SPATS2L: variants seen among roughly 807,000 people sequenced by gnomAD.
SPATS2L encodes the protein SPATS2-like protein.
SPATS2L carries 30 observed loss-of-function variants against 59.6 expected under a neutral mutation model. The ratio of observed to expected loss-of-function variants is 0.50; its 90% CI spans 0.38 to 0.68. The LOEUF (loss-of-function observed/expected upper bound fraction) is 0.68, where lower values mean the gene tolerates loss of function less well. Among genes scored for constraint, SPATS2L ranks in the 30% least tolerant of loss-of-function variants. The probability of loss-of-function intolerance (pLI) is 0.00; values close to 1 mark genes in which losing one functional copy is unlikely to be tolerated. For synonymous variants in SPATS2L, 252 were observed against 263.5 expected (o/e 0.96, Z 0.42); for missense variants, 615 against 700.0 (o/e 0.88, Z 1.37).
chr2:200,363,689 T>C (rs1433621476), intron 2 of SPATS2L, among the ~76,000 whole-genome samples: 1 of 152,246 alleles, frequency 6.6e-6, no homozygotes, highest in East Asian at 1.9e-4. Context: ...GGTCATTTGT[T>C]TGATATACAA....
At chr2:200,378,482 C>A in intron 2 of SPATS2L, 1 of 718,964 alleles carries the variant, frequency 1.4e-6, no homozygotes, top group Non-Finnish European at 1.7e-6. Context: ...GCCCTGCCTT[C>A]ACTCCCCAGT....
At chr2:200,467,180 TG>T in intron 9 of SPATS2L, 109 bp from the exon 10 acceptor site, 1 of 756,644 alleles carries the variant, frequency 1.3e-6, no homozygotes, top group Non-Finnish European at 2.2e-6. Context: ...AACACAGTCG[TG>T]GTCCAACAAA....
chr2:200,345,257 G>C (rs2080472574), intron 2 of SPATS2L, among the ~76,000 whole-genome samples: 1 of 152,194 alleles, frequency 6.6e-6, no homozygotes, highest in Admixed American at 6.5e-5. Flanking sequence ...TATGGTGTAA[G>C]AAAGTGGTCC....
In SPATS2L at chr2:200,342,968, A is replaced by T. The variant is rs568273938; in HGVS notation, c.-23+13488A>T. Among the ~76,000 whole-genome samples, 4 of 152,352 alleles carry T rather than the reference A, an allele frequency of 2.6e-5. No homozygotes were observed. In the East Asian group the frequency reaches 5.8e-4, roughly 22 times the overall value. On this transcript the variant is annotated intron_variant, in intron 2 of 12. Transcript: ENST00000409140. ...GGAATATAAATGAATAAATAAAAAAATTTCAAATAAAATGTGTGGTCTGAC... is the reference window on the plus strand; with the variant it reads ...GGAATATAAATGAATAAATAAAAAATTTTCAAATAAAATGTGTGGTCTGAC...
intron 8 of SPATS2L, among the ~76,000 whole-genome samples, chr2:200,447,901 ATT>A (rs2085155691): frequency 1.3e-5 from 2 of 152,218 alleles, no homozygotes; most frequent in South Asian, 4.1e-4. Flanking sequence ...AATTTTGTTA[ATT>A]CCTTAGATTA....
At chr2:200,319,393 C>T (rs183592355) in intron 1 of SPATS2L, among the ~76,000 whole-genome samples, 440 of 152,066 alleles carry the variant, frequency 2.9e-3, no homozygotes, top group African/African-American at 0.01. Flanking sequence ...GGCAAAACCC[C>T]GTATCTACTA....
At chr2:200,318,962 A>G (rs2079469526) in intron 1 of SPATS2L, among the ~76,000 whole-genome samples, 1 of 152,162 alleles carries the variant, frequency 6.6e-6, no homozygotes, top group Admixed American at 6.5e-5. Flanking sequence ...ACTTCATGTT[A>G]TTTGTGATTG....
chr2:200,371,697 A>G (rs2081431638), intron 2 of SPATS2L, among the ~76,000 whole-genome samples: 1 of 152,200 alleles, frequency 6.6e-6, no homozygotes, highest in Non-Finnish European at 1.5e-5. Flanking sequence ...GGAATGGATA[A>G]ATTCCCTTAT....
At chr2:200,376,304 G>A (rs2081597537) in intron 2 of SPATS2L, among the ~76,000 whole-genome samples, 1 of 152,128 alleles carries the variant, frequency 6.6e-6, no homozygotes, top group South Asian at 2.1e-4. Context: ...GCTGGAAATG[G>A]AAAGTTCACT....
rs1203272496 is a variant in SPATS2L, at chr2:200,479,811, C to G, written c.*1780C>G. On this transcript the variant is annotated 3_prime_UTR_variant, in exon 13 of 13. Coordinates refer to ENST00000409140, the MANE Select transcript of SPATS2L (RefSeq NM_001100423.2). ...CTGCAAGCCACGCAAGCATCTGTTTCTTCTTTTGCCAAGTACAGGAGGATG... is the reference window on the plus strand; with the variant it reads ...CTGCAAGCCACGCAAGCATCTGTTTGTTCTTTTGCCAAGTACAGGAGGATG... The G allele has an allele frequency of 1.5e-5, 6 of 398,428 alleles. No homozygotes were observed. In the Admixed American group the frequency reaches 2.6e-4, roughly 18 times the overall value. 24.7% of individuals were successfully genotyped at this position (398,428 alleles called of 1,614,324 possible). A position where few individuals can be genotyped will look rare whatever the true frequency, so the allele number is the denominator to read the frequency against.
intron 1 of SPATS2L, among the ~76,000 whole-genome samples, chr2:200,320,698 T>G (rs2079533657): frequency 6.6e-6 from 1 of 152,220 alleles, no homozygotes; most frequent in African/African-American, 2.4e-5. Context: ...AATTCTGTAT[T>G]ATTTGAAAAG....
intron 1 of SPATS2L, among the ~76,000 whole-genome samples, chr2:200,328,416 C>T (rs1266475774): frequency 6.6e-6 from 1 of 152,038 alleles, no homozygotes; most frequent in African/African-American, 2.4e-5. Context: ...AAAAGTTAGT[C>T]CAAAAGAAAG....
In SPATS2L at chr2:200,439,179, A is replaced by G. The variant is rs2084514709; in HGVS notation, c.503A>G (p.His168Arg). 1 of 1,613,776 alleles carries G rather than the reference A, an allele frequency of 6.2e-7. No homozygotes were observed. The highest frequency in any genetic ancestry group is 1.7e-5 in the Admixed American group (1 of 59,978). The change falls in exon 7 of 13, where the codon CAT (histidine) becomes CGT (arginine). Residue 168 changes from histidine (H) to arginine (R), a missense_variant. Coordinates refer to ENST00000409140, the MANE Select transcript of SPATS2L (RefSeq NM_001100423.2). ...TTAGATGGGAACCCCAAACCTATAC[A>G]TGGAACAACAGAGAGGTCAGATGGC... ...LSLDGNPKPI[H>R]GTTERSDGLQ...
intron 2 of SPATS2L, among the ~76,000 whole-genome samples, chr2:200,370,980 G>A (rs1403002381): frequency 6.6e-6 from 1 of 152,148 alleles, no homozygotes. Flanking sequence ...TGCACTTAAG[G>A]TTCAAAAAGA....
intron 6 of SPATS2L, among the ~76,000 whole-genome samples, chr2:200,432,355 A>G (rs1234293398): frequency 6.6e-6 from 1 of 152,214 alleles, no homozygotes; most frequent in Admixed American, 6.5e-5. Flanking sequence ...AGGAGTATAA[A>G]GCAGAGGAAT....
At chr2:200,467,800 A>C (rs1187387137) in intron 10 of SPATS2L, among the ~76,000 whole-genome samples, 1 of 152,226 alleles carries the variant, frequency 6.6e-6, no homozygotes, top group African/African-American at 2.4e-5. Context: ...GGTGAAGATT[A>C]GAAAGCATGC....
chr2:200,382,369 C>T (rs2081846294), intron 2 of SPATS2L, among the ~76,000 whole-genome samples: 1 of 152,206 alleles, frequency 6.6e-6, no homozygotes, highest in South Asian at 2.1e-4. Context: ...GCCATCTCAC[C>T]CAGCCAAAAA....
intron 6 of SPATS2L, among the ~76,000 whole-genome samples, chr2:200,428,931 C>T (rs914349975): frequency 1.3e-5 from 2 of 152,206 alleles, no homozygotes; most frequent in African/African-American, 4.8e-5. Flanking sequence ...GCCTGCACTG[C>T]AGCAATAGTC....
chr2:200,440,118 A>G (rs2084590954), intron 7 of SPATS2L, among the ~76,000 whole-genome samples: 1 of 152,200 alleles, frequency 6.6e-6, no homozygotes. Context: ...ATCAGGCGAG[A>G]TGGGCACCCA....
Sources: gnomAD v4.1 joint callset for allele counts (sites outside exome capture counted in the v4.1 genomes callset) on GRCh38, gnomAD v4.1.1 for gene constraint, MANE v1.5 for transcripts, NCBI Gene and HGNC (gene_info 2026-07-23, HGNC 2026-07-21) for gene names.